Variants in CHRNA7 observed in about 807,000 individuals in gnomAD.
CHRNA7 encodes the protein neuronal acetylcholine receptor subunit alpha-7.
CHRNA7 carries 17 observed loss-of-function variants against 48.0 expected under a neutral mutation model. The observed-to-expected ratio is 0.35, with a 90% CI of 0.24 to 0.53. The LOEUF (loss-of-function observed/expected upper bound fraction) is 0.53, where lower values mean the gene tolerates loss of function less well. CHRNA7 is among the 20% of genes least tolerant of loss of function. CHRNA7 has a pLI of 0.92. For missense variants in CHRNA7, 155 were observed against 577.7 expected, an observed-to-expected ratio of 0.27 and a Z score of 7.50; for synonymous variants, 75 against 242.3, an observed-to-expected ratio of 0.31 and a Z score of 6.41.
chr15:32,052,004 A>T (rs983969801), intron 2 of CHRNA7, among the ~76,000 whole-genome samples: 1 of 152,012 alleles, frequency 6.6e-6, no homozygotes, highest in Non-Finnish European at 1.5e-5. Context: ...TGAGCTCAAA[A>T]TTTTCCACTT....
intron 4 of CHRNA7, among the ~76,000 whole-genome samples, chr15:32,127,412 C>T (rs189348306): frequency 2.7e-3 from 404 of 152,132 alleles, no homozygotes; most frequent in African/African-American, 9.0e-3. Flanking sequence ...CCAGAGTGGC[C>T]GTTCCCACCT....
chr15:32,104,647 C>T (rs60109258), intron 3 of CHRNA7, among the ~76,000 whole-genome samples: 54,012 of 151,920 alleles, frequency 0.36, 10,093 homozygotes, highest in East Asian at 0.59. Flanking sequence ...TCACCTGTAG[C>T]GGGCACCAAA....
intron 5 of CHRNA7, chr15:32,155,952 C>G: frequency 1.2e-5 from 1 of 86,688 alleles, no homozygotes; most frequent in Middle Eastern, 4.7e-3. Flanking sequence ...GACTTTCCCC[C>G]CCATTTCATG....
chr15:32,073,722 A>T (rs980294395), intron 2 of CHRNA7, among the ~76,000 whole-genome samples: 2 of 152,132 alleles, frequency 1.3e-5, no homozygotes. Context: ...CTGGGTGTTT[A>T]AAAGAGGCTA....
At chr15:32,124,877 G>T (rs1042392301) in intron 4 of CHRNA7, among the ~76,000 whole-genome samples, 3 of 152,162 alleles carry the variant, frequency 2.0e-5, no homozygotes, top group African/African-American at 7.2e-5. Flanking sequence ...TTGGCCATCT[G>T]AGGACACAAG....
intron 4 of CHRNA7, among the ~76,000 whole-genome samples, chr15:32,137,315 T>A (rs1166057215): frequency 8.5e-6 from 1 of 117,888 alleles, no homozygotes; most frequent in Non-Finnish European, 1.7e-5. Flanking sequence ...AAATAAAATG[T>A]GAGTGGCTAT....
intron 4 of CHRNA7, among the ~76,000 whole-genome samples, chr15:32,135,194 A>C (rs1396877432): frequency 6.6e-6 from 1 of 152,204 alleles, no homozygotes; most frequent in Non-Finnish European, 1.5e-5. Flanking sequence ...TCCCATACAC[A>C]CTGGCTAGAA....
At chr15:32,031,111 C>G in intron 2 of CHRNA7, 74 bp downstream of exon 2, 1 of 1,582,306 alleles carries the variant, frequency 6.3e-7, no homozygotes, top group Non-Finnish European at 8.6e-7. Flanking sequence ...CAGCGTCGGG[C>G]GGCCAGGCGG....
intron 2 of CHRNA7, among the ~76,000 whole-genome samples, chr15:32,088,420 G>A (rs1196853600): frequency 6.6e-6 from 1 of 152,194 alleles, no homozygotes; most frequent in Non-Finnish European, 1.5e-5. Context: ...CTGTAGATAT[G>A]TGTTTTTGAA....
At chr15:32,068,667 G>A (rs1347346180) in intron 2 of CHRNA7, among the ~76,000 whole-genome samples, 3 of 151,002 alleles carry the variant, frequency 2.0e-5, no homozygotes, top group Non-Finnish European at 4.4e-5. Context: ...AGGTTGCAGT[G>A]AGCCGAGATC....
chr15:32,067,482 A>G (rs1018571211), intron 2 of CHRNA7, among the ~76,000 whole-genome samples: 8 of 152,226 alleles, frequency 5.3e-5, no homozygotes, highest in Non-Finnish European at 1.0e-4. Flanking sequence ...AGCTGAGACA[A>G]TCCACTGCTG....
At chr15:32,086,224 C>A (rs1032987696) in intron 2 of CHRNA7, among the ~76,000 whole-genome samples, 5 of 151,874 alleles carry the variant, frequency 3.3e-5, no homozygotes, top group Non-Finnish European at 7.4e-5. Context: ...AAAAAATTAG[C>A]TGGGCCTGGT....
intron 2 of CHRNA7, among the ~76,000 whole-genome samples, chr15:32,051,028 C>T (rs989216404): frequency 2.2e-5 from 3 of 138,848 alleles, no homozygotes; most frequent in African/African-American, 8.7e-5. Context: ...GAGGAGTACC[C>T]GGCCGTGTGA....
At chr15:32,104,256 C>T (rs6494223) in intron 3 of CHRNA7, among the ~76,000 whole-genome samples, 65,089 of 151,436 alleles carry the variant, frequency 0.43, 14,133 homozygotes, top group East Asian at 0.59. Context: ...GTGACACACA[C>T]GTCACCCGAG....
chr15:32,091,583 A>C (rs1016548812), intron 2 of CHRNA7, among the ~76,000 whole-genome samples: 8 of 152,208 alleles, frequency 5.3e-5, no homozygotes, highest in African/African-American at 1.9e-4. Context: ...AGAATGACAC[A>C]GACTAACTTG....
intron 4 of CHRNA7, among the ~76,000 whole-genome samples, chr15:32,112,888 G>T (rs2050786943): frequency 6.6e-6 from 1 of 152,132 alleles, no homozygotes; most frequent in Non-Finnish European, 1.5e-5. Context: ...TTGAATCATT[G>T]GGCCCGTTTC....
chr15:32,114,019 A>AATATAT lies in CHRNA7; in HGVS notation c.350+2139_350+2144dup, dbSNP rs57220454. Among the ~76,000 whole-genome samples the AATATAT allele has an allele frequency of 2.0e-3, 214 of 109,140 alleles. 1 individual carries two copies. The highest frequency in any genetic ancestry group is 4.5e-3 in the Middle Eastern group (1 of 220). 71.6% of individuals were successfully genotyped at this position (109,140 alleles called of 152,430 possible). A position where few individuals can be genotyped will look rare whatever the true frequency, so the allele number is the denominator to read the frequency against. On this transcript the variant is annotated intron_variant, in intron 4 of 9. Coordinates refer to ENST00000306901, the MANE Select transcript of CHRNA7 (RefSeq NM_000746.6). ...GTGACAGAGTGAGATGCTATCTCCA[A>AATATAT]ATATATATATATATATATATATATG...
At chr15:32,138,778 G>GT (rs1372967835) in intron 4 of CHRNA7, among the ~76,000 whole-genome samples, 8 of 147,934 alleles carry the variant, frequency 5.4e-5, no homozygotes, top group Admixed American at 3.4e-4. Context: ...GTTTGAGATG[G>GT]TGTATCGCTC....
intron 2 of CHRNA7, among the ~76,000 whole-genome samples, chr15:32,083,564 T>C (rs1035456170): frequency 2.6e-5 from 4 of 152,168 alleles, no homozygotes; most frequent in Admixed American, 6.5e-5. Context: ...GGGCTACATG[T>C]GAAGGGATGA....
Sources: allele counts gnomAD v4.1 joint callset (sites outside exome capture counted in the v4.1 genomes callset), GRCh38; gene constraint gnomAD v4.1.1; transcripts MANE v1.5; gene names NCBI Gene and HGNC (gene_info 2026-07-23, HGNC 2026-07-21).